Variants in ERC2 observed in about 807,000 individuals in gnomAD.
ERC2 encodes ERC protein 2.
Under a neutral mutation model 114.8 loss-of-function variants are expected in ERC2, and 42 were observed. That is an observed-to-expected ratio of 0.37 (90% CI 0.29 to 0.47). The LOEUF (loss-of-function observed/expected upper bound fraction) is 0.47. Among genes scored for constraint, ERC2 ranks in the 20% least tolerant of loss-of-function variants. The pLI is 0.99. For missense variants in ERC2, 939 were observed against 1,150.7 expected (o/e 0.82, Z 2.66); for synonymous variants, 454 against 425.5 (o/e 1.07, Z -0.82).
chr3:55,809,690 A>T (rs1184148562), intron 14 of ERC2, among the ~76,000 whole-genome samples: 1 of 152,216 alleles, frequency 6.6e-6, no homozygotes, highest in East Asian at 1.9e-4. Context: ...TTGTCTATCA[A>T]CACAACCAAA....
rs561039685 is a variant in ERC2, at chr3:55,638,840, C to T, written c.*39+44954G>A. On this transcript the variant is annotated intron_variant, in intron 17 of 17. Transcript: ENST00000288221. The stretch of plus-strand genomic sequence containing the variant: ...TTACGCATTGTTCTTTATTTCTACT[C>T]ACCAAACTACATTAGAATAGTATTA... Among the ~76,000 whole-genome samples, 252 of 152,334 alleles carry T rather than the reference C, an allele frequency of 1.7e-3. 1 individual carries two copies. Among genetic ancestry groups the T allele is most frequent in the African/African-American group, 5.8e-3 (240 of 41,574 alleles).
intron 1 of ERC2, among the ~76,000 whole-genome samples, chr3:56,440,222 C>G (rs1227015972): frequency 6.6e-6 from 1 of 152,168 alleles, no homozygotes; most frequent in Non-Finnish European, 1.5e-5. Flanking sequence ...CTTCCCTATT[C>G]CTGAAATGTT....
intron 7 of ERC2, among the ~76,000 whole-genome samples, chr3:56,074,782 A>G (rs1203912989): frequency 6.6e-6 from 1 of 152,152 alleles, no homozygotes; most frequent in Non-Finnish European, 1.5e-5. Context: ...TACACAGAAC[A>G]TACCGTGCTG....
intron 17 of ERC2, among the ~76,000 whole-genome samples, chr3:55,604,811 C>T (rs182030601): frequency 2.0e-5 from 3 of 152,306 alleles, no homozygotes; most frequent in East Asian, 1.9e-4. Flanking sequence ...TAGGGCCATA[C>T]GTAGTTACTC....
chr3:56,416,111 C>A (rs1341859478), intron 2 of ERC2, among the ~76,000 whole-genome samples: 1 of 152,176 alleles, frequency 6.6e-6, no homozygotes, highest in South Asian at 2.1e-4. Flanking sequence ...ATTTGGCCAA[C>A]ATCACATCTA....
At chr3:56,147,983 A>G (rs905109957) in intron 5 of ERC2, among the ~76,000 whole-genome samples, 11 of 152,218 alleles carry the variant, frequency 7.2e-5, no homozygotes, top group Non-Finnish European at 1.6e-4. Flanking sequence ...AAACTAATAG[A>G]GCAGGTTACT....
At chr3:55,772,265 CCCAAGTAGCTGGGACTGCAGGCATGCA>C (rs2068264968) in intron 14 of ERC2, among the ~76,000 whole-genome samples, 1 of 152,152 alleles carries the variant, frequency 6.6e-6, no homozygotes, top group African/African-American at 2.4e-5. Flanking sequence ...GTCTCAGCCT[CCCAAGTAGCTGGGACTGCAGGCATGCA>C]CCACCACGCC....
At position 56,211,824 on chromosome 3, in the gene ERC2, C is replaced by T. The variant is rs117870897; in HGVS notation, c.1075-38304G>A. ...ATACTTACGGCCAACTGAACTTTAA[C>T]AAACCAAACAAAAACACAAAGTGGG... On this transcript the variant is annotated intron_variant, in intron 3 of 17. Coordinates refer to ENST00000288221, the MANE Select transcript of ERC2 (RefSeq NM_015576.3). 2.3e-3 allele frequency among the ~76,000 whole-genome samples: 351 copies of T among 152,218 alleles called. 8 individuals carry two copies. In the East Asian group the frequency reaches 0.056, roughly 24 times the overall value.
At chr3:56,444,397 AT>A (rs772475040) in intron 1 of ERC2, among the ~76,000 whole-genome samples, 8 of 152,200 alleles carry the variant, frequency 5.3e-5, no homozygotes, top group African/African-American at 9.7e-5. Flanking sequence ...CACCAAAAAA[AT>A]TAGTTGCGCA....
intron 3 of ERC2, among the ~76,000 whole-genome samples, chr3:56,182,957 G>T (rs1269525816): frequency 1.3e-5 from 2 of 150,588 alleles, no homozygotes; most frequent in African/African-American, 4.9e-5. Flanking sequence ...GAAGAAGTGG[G>T]GCAAAAAAAA....
rs115862223 is a variant in ERC2 at position 55,942,967 on chromosome 3, T to A, written c.2403+7458A>T. Among the ~76,000 whole-genome samples the A allele has an allele frequency of 4.6e-3, 708 of 152,336 alleles. 10 individuals are homozygous for A. Among genetic ancestry groups the A allele is most frequent in the African/African-American group, 0.016 (665 of 41,582 alleles). On this transcript the variant is annotated intron_variant, in intron 13 of 17. Coordinates refer to ENST00000288221, the MANE Select transcript of ERC2 (RefSeq NM_015576.3). ...CCCAGGTCTCTGCCTTGGGCAGTGA[T>A]GTGCTGAAATACCAGCATCTATTTG...
At chr3:55,633,814 A>G (rs1373991195) in intron 17 of ERC2, among the ~76,000 whole-genome samples, 1 of 152,122 alleles carries the variant, frequency 6.6e-6, no homozygotes, top group Non-Finnish European at 1.5e-5. Flanking sequence ...AAATGATTTC[A>G]TCCTTCATTC....
At chr3:55,789,505 C>T (rs1399368342) in intron 14 of ERC2, among the ~76,000 whole-genome samples, 1 of 152,230 alleles carries the variant, frequency 6.6e-6, no homozygotes, top group Non-Finnish European at 1.5e-5. Context: ...AAAGACAACA[C>T]TGATGCATAG....
intron 14 of ERC2, among the ~76,000 whole-genome samples, chr3:55,828,457 TGGCAGCAGGGGCAGCAGG>T (rs551670121): frequency 2.4e-5 from 3 of 126,232 alleles, no homozygotes; most frequent in Admixed American, 8.4e-5. Flanking sequence ...GGAGTGTAGC[TGGCAGCAGGGGCAGCAGG>T]GGCAGCAGGG....
chr3:56,015,773 G>T (rs1354030075), intron 8 of ERC2, among the ~76,000 whole-genome samples: 1 of 152,152 alleles, frequency 6.6e-6, no homozygotes, highest in Non-Finnish European at 1.5e-5. Flanking sequence ...GGTCTTTGAG[G>T]AATTGCCACA....
chr3:55,592,048 G>A (rs2057916885), intron 17 of ERC2, among the ~76,000 whole-genome samples: 1 of 152,186 alleles, frequency 6.6e-6, no homozygotes. Context: ...TTCTGGGGCT[G>A]TTTCAGTGTG....
chr3:55,647,361 A>C (rs2060440481), intron 17 of ERC2: 1 of 152,244 alleles, frequency 6.6e-6, no homozygotes, highest in South Asian at 2.1e-4. Context: ...CTTTGGAGGA[A>C]AGGAAAGGAA....
chr3:55,687,352 C>A (rs1215008958), intron 16 of ERC2, among the ~76,000 whole-genome samples: 1 of 146,808 alleles, frequency 6.8e-6, no homozygotes, highest in African/African-American at 2.5e-5. Context: ...GTATAGCCAG[C>A]AGGCAAACCT....
At chr3:56,046,893 G>C (rs1308805273) in intron 7 of ERC2, among the ~76,000 whole-genome samples, 1 of 152,170 alleles carries the variant, frequency 6.6e-6, no homozygotes, top group Admixed American at 6.5e-5. Flanking sequence ...GCATTTAAGA[G>C]GTCTGATTAC....
Sources: gnomAD v4.1 joint callset for allele counts (sites outside exome capture counted in the v4.1 genomes callset) on GRCh38, gnomAD v4.1.1 for gene constraint, MANE v1.5 for transcripts, NCBI Gene and HGNC (gene_info 2026-07-23, HGNC 2026-07-21) for gene names.